EMC2: variants seen among roughly 807,000 people sequenced by gnomAD.
EMC2 encodes the protein TPR repeat protein 35.
EMC2 carries 37 observed loss-of-function variants against 51.6 expected under a neutral mutation model. The observed-to-expected ratio is 0.72, with a 90% CI of 0.55 to 0.94. The LOEUF (loss-of-function observed/expected upper bound fraction) is 0.94, where lower values mean the gene tolerates loss of function less well. EMC2 is among the 40% of genes least tolerant of loss of function. The pLI, the probability that EMC2 is intolerant of heterozygous loss-of-function variation, is 0.00. For missense variants in EMC2, 359 were observed against 350.9 expected (o/e 1.02, Z -0.18); for synonymous variants, 131 against 112.4 (o/e 1.17, Z -1.04).
intron 10 of EMC2, among the ~76,000 whole-genome samples, chr8:108,480,146 T>C (rs931141516): frequency 9.2e-5 from 14 of 152,196 alleles, no homozygotes; most frequent in African/African-American, 3.4e-4. Flanking sequence ...GAATTACAAA[T>C]ATTTTTTTCT....
chr8:108,459,076 A>G (rs1359869086), intron 5 of EMC2, among the ~76,000 whole-genome samples: 2 of 152,194 alleles, frequency 1.3e-5, no homozygotes, highest in Non-Finnish European at 2.9e-5. Flanking sequence ...CTAAAACATA[A>G]CGAGTCACTT....
At chr8:108,472,463 A>G (rs928670852) in intron 7 of EMC2, among the ~76,000 whole-genome samples, 3 of 151,648 alleles carry the variant, frequency 2.0e-5, no homozygotes, top group East Asian at 1.9e-4. Flanking sequence ...AATGATAATT[A>G]TGGTCAGCCT....
chr8:108,488,515 G>A lies in EMC2; in HGVS notation c.*1917G>A, dbSNP rs1334457438. ...AACTTCTTTCCAAGATTTTATATTT[G>A]TTAAGCACATTGCCAATCCTTAGTT... On this transcript the variant is annotated 3_prime_UTR_variant, in exon 11 of 11. Coordinates refer to ENST00000220853, the MANE Select transcript of EMC2 (RefSeq NM_014673.5). 1.3e-5 allele frequency among the ~76,000 whole-genome samples: 2 copies of A among 152,046 alleles called. No homozygotes were observed. The highest frequency in any genetic ancestry group is 4.8e-5 in the African/African-American group (2 of 41,398).
At chr8:108,457,011 A>G (rs1819183077) in intron 5 of EMC2, among the ~76,000 whole-genome samples, 1 of 152,182 alleles carries the variant, frequency 6.6e-6, no homozygotes, top group Non-Finnish European at 1.5e-5. Flanking sequence ...AATATACATT[A>G]AAAAATCTTA....
intron 1 of EMC2, among the ~76,000 whole-genome samples, chr8:108,443,911 T>C (rs1818813302): frequency 6.6e-6 from 1 of 152,166 alleles, no homozygotes; most frequent in Admixed American, 6.5e-5. Context: ...GCTCCTCGGT[T>C]GACCTGCCCT....
chr8:108,456,359 A>AAAC (rs1734139755), intron 5 of EMC2, among the ~76,000 whole-genome samples: 8 of 149,938 alleles, frequency 5.3e-5, no homozygotes, highest in African/African-American at 2.0e-4. Context: ...AAAAAAAAAA[A>AAAC]AACAACTTCT....
intron 5 of EMC2, among the ~76,000 whole-genome samples, chr8:108,469,030 A>G (rs1277858185): frequency 6.6e-6 from 1 of 152,170 alleles, no homozygotes; most frequent in Non-Finnish European, 1.5e-5. Context: ...GTCCACTCTG[A>G]CACAGCATGT....
intron 10 of EMC2, among the ~76,000 whole-genome samples, chr8:108,483,428 A>T (rs1811081816): frequency 6.6e-6 from 1 of 152,046 alleles, no homozygotes; most frequent in African/African-American, 2.4e-5. Context: ...CACTGATCTG[A>T]TTTTTATCAC....
chr8:108,475,014 G>A (rs1810922452), intron 7 of EMC2: 1 of 151,900 alleles, frequency 6.6e-6, no homozygotes, highest in Non-Finnish European at 1.5e-5. Flanking sequence ...TAGTGTAAAG[G>A]TAGATCCCTT....
intron 5 of EMC2, among the ~76,000 whole-genome samples, chr8:108,467,874 A>G (rs1274077538): frequency 6.6e-6 from 1 of 152,266 alleles, no homozygotes; most frequent in Non-Finnish European, 1.5e-5. Flanking sequence ...ACACGTAAAC[A>G]TTAAGTCTAG....
At chr8:108,479,170 A>T (rs2252767) in intron 10 of EMC2, 60 bp downstream of exon 10, 600,247 of 917,574 alleles carry the variant, frequency 0.65, 197,231 homozygotes, top group African/African-American at 0.81. Context: ...TAGTTTTGTT[A>T]CTACAAACTA....
intron 1 of EMC2, among the ~76,000 whole-genome samples, chr8:108,444,345 G>A (rs187162573): frequency 6.6e-6 from 1 of 152,100 alleles, no homozygotes; most frequent in Admixed American, 6.5e-5. Context: ...TTAACTCTGG[G>A]CTACGTAAGT....
At chr8:108,455,754 C>A in intron 4 of EMC2, 119 bp from the exon 5 acceptor site, 2 of 431,594 alleles carry the variant, frequency 4.6e-6, no homozygotes, top group Non-Finnish European at 8.4e-6. Context: ...GCATTTAAAG[C>A]AATTATAAAT....
intron 4 of EMC2, among the ~76,000 whole-genome samples, chr8:108,455,155 A>G (rs1306308869): frequency 1.3e-5 from 2 of 151,988 alleles, no homozygotes; most frequent in South Asian, 2.1e-4. Context: ...AACATTTTCT[A>G]TATTTCTTTC....
intron 5 of EMC2, among the ~76,000 whole-genome samples, chr8:108,458,927 G>A (rs111912571): frequency 0.21 from 31,277 of 152,048 alleles, 3,830 homozygotes; most frequent in South Asian, 0.3. Context: ...AAAACTGAAT[G>A]CCTTTAACAG....
intron 3 of EMC2, among the ~76,000 whole-genome samples, chr8:108,452,054 A>G (rs1819036936): frequency 6.6e-6 from 1 of 152,246 alleles, no homozygotes. Context: ...ATGCATTAAT[A>G]TGCTTCAGTG....
chr8:108,466,442 A>ATTATTTTTTTTTTTT (rs1819467176), intron 5 of EMC2, among the ~76,000 whole-genome samples: 1 of 91,036 alleles, frequency 1.1e-5, no homozygotes, highest in African/African-American at 4.7e-5. Context: ...CTATGATAGA[A>ATTATTTTTTTTTTTT]TTTTTTTTTT....
Position 108,479,070 on chromosome 8 carries a change from A to C in EMC2, c.767A>C (p.Tyr256Ser). The stretch of plus-strand genomic sequence containing the variant: ...AAAACGAAAAAGGACAACATGAAAT[A>C]TGCTAGTTGGGCAGCTAGTCAAATA... ...SAKTKKDNMK[Y>S]ASWAASQINR... Residue 256 changes from tyrosine to serine, a missense_variant, in exon 10 of 11, where the codon TAT becomes TCT. Coordinates refer to ENST00000220853, the MANE Select transcript of EMC2 (RefSeq NM_014673.5). 1.3e-6 allele frequency: 2 copies of C among 1,589,202 alleles called. No homozygotes were observed. The highest frequency in any genetic ancestry group is 1.7e-6 in the Non-Finnish European group (2 of 1,167,372).
At chr8:108,451,227 A>C (rs958510390) in intron 3 of EMC2, among the ~76,000 whole-genome samples, 1 of 150,482 alleles carries the variant, frequency 6.6e-6, no homozygotes, top group African/African-American at 2.5e-5. Context: ...AAAAAATCAA[A>C]CAAACCTAAT....
Sources: gnomAD v4.1 joint callset for allele counts (sites outside exome capture counted in the v4.1 genomes callset) on GRCh38, gnomAD v4.1.1 for gene constraint, MANE v1.5 for transcripts, NCBI Gene and HGNC (gene_info 2026-07-23, HGNC 2026-07-21) for gene names.